Variants in GALNT14 observed in about 807,000 individuals in gnomAD.
GALNT14 encodes the protein UDP-GalNAc:polypeptide N-acetylgalactosaminyltransferase 14.
In GALNT14, 60 loss-of-function variants were observed where a neutral mutation model predicts 77.5. That is an observed-to-expected ratio of 0.77 (90% CI 0.63 to 0.96). GALNT14 has a LOEUF of 0.96. Ranked by LOEUF, GALNT14 falls within the 40% of genes least tolerant of loss-of-function variation. The pLI, the probability that GALNT14 is intolerant of heterozygous loss-of-function variation, is 0.00. For missense variants in GALNT14, 710 were observed against 731.0 expected, an observed-to-expected ratio of 0.97 and a Z score of 0.33; for synonymous variants, 280 against 281.7, an observed-to-expected ratio of 0.99 and a Z score of 0.06.
chr2:31,022,069 T>G (rs1671755596), intron 1 of GALNT14, among the ~76,000 whole-genome samples: 1 of 152,230 alleles, frequency 6.6e-6, no homozygotes, highest in Non-Finnish European at 1.5e-5. Flanking sequence ...GTCTTCCCTG[T>G]GGTTCTGAAA....
Position 31,120,168 on chromosome 2 carries a change from A to T in GALNT14, c.129+17790T>A, listed in dbSNP as rs893072972. Among the ~76,000 whole-genome samples, 18 of 151,646 alleles carry T rather than the reference A, an allele frequency of 1.2e-4. 5 individuals are homozygous for T. The highest frequency in any genetic ancestry group is 2.7e-4 in the Non-Finnish European group (18 of 67,906). ...GAGACTCCGTCTCAAAAAAAAAAAA[A>T]AAAAAAAAAAATAATGAGCTAGCTG... On this transcript the variant is annotated intron_variant, in intron 1 of 14. Transcript: ENST00000349752.
chr2:31,054,139 G>C (rs558276537), intron 1 of GALNT14, among the ~76,000 whole-genome samples: 37 of 152,366 alleles, frequency 2.4e-4, no homozygotes. Flanking sequence ...GACAGTAAAA[G>C]TAAACAGGCC....
intron 3 of GALNT14, among the ~76,000 whole-genome samples, chr2:30,960,448 A>G (rs1315965785): frequency 1.3e-5 from 2 of 152,164 alleles, no homozygotes; most frequent in East Asian, 3.8e-4. Context: ...GAACTGAGAG[A>G]TGATTAGTGA....
chr2:30,939,054 T>C (rs1666222843), intron 9 of GALNT14, among the ~76,000 whole-genome samples: 1 of 152,242 alleles, frequency 6.6e-6, no homozygotes, highest in Non-Finnish European at 1.5e-5. Flanking sequence ...CCATTCAGTC[T>C]CTGGCTTTTT....
chr2:30,902,181 T>C, the GALNT14 span, among the ~76,000 whole-genome samples: 1 of 151,982 alleles, frequency 6.6e-6, no homozygotes, highest in Non-Finnish European at 1.5e-5. Flanking sequence ...CACTATCCCA[T>C]CCAGTGATTG....
At chr2:30,989,583 A>ATATATATATATATATATATATAAATATAT (rs56703340) in intron 2 of GALNT14, among the ~76,000 whole-genome samples, 1 of 91,878 alleles carries the variant, frequency 1.1e-5, no homozygotes, top group African/African-American at 4.3e-5. Context: ...TATATATATA[A>ATATATATATATATATATATATAAATATAT]AAATATATAT....
rs552104246 is a variant in GALNT14, at chr2:30,943,369, C to T, written c.828-1065G>A. 2.1e-3 allele frequency among the ~76,000 whole-genome samples: 313 copies of T among 152,246 alleles called. 1 individual carries two copies. The highest frequency in any genetic ancestry group is 6.5e-3 in the Admixed American group (99 of 15,292). ...GGCAAGCCCTCAAAGACCTGGCCCC[C>T]GTTCAGTGGATCCAGAGGGTGAAGG... On this transcript the variant is annotated intron_variant, in intron 8 of 14. Coordinates refer to ENST00000349752, the MANE Select transcript of GALNT14 (RefSeq NM_024572.4).
At chr2:30,943,034 T>C (rs894135600) in intron 8 of GALNT14, among the ~76,000 whole-genome samples, 11 of 152,138 alleles carry the variant, frequency 7.2e-5, no homozygotes, top group Non-Finnish European at 1.0e-4. Context: ...AGGGAAGACA[T>C]GGCCATCTAC....
At chr2:31,014,589 T>A (rs949939663) in intron 1 of GALNT14, among the ~76,000 whole-genome samples, 1 of 152,172 alleles carries the variant, frequency 6.6e-6, no homozygotes, top group Admixed American at 6.5e-5. Flanking sequence ...GGTCCCCATA[T>A]GACTAGCCCT....
In GALNT14 at chr2:30,955,715, C is replaced by T. The variant is rs1335001890; in HGVS notation, c.557G>A (p.Gly186Asp). The T allele has an allele frequency of 6.2e-7, 1 of 1,614,128 alleles. No individual in the cohort carries two copies. Among genetic ancestry groups the T allele is most frequent in the Non-Finnish European group, 8.5e-7 (1 of 1,180,030 alleles). The change falls in exon 6 of 15, where the codon GGC becomes GAC. Residue 186 changes from glycine (G) to aspartate (D), a missense_variant. Gly to Asp is a moderately conservative substitution (Grantham distance 94, BLOSUM62 -1). Coordinates refer to ENST00000349752, the MANE Select transcript of GALNT14 (RefSeq NM_024572.4). ...AGTGGTGCCCTGGGCGATGTCAGCG[C>T]CCCGAATCCGGGACCGGACCAGACC... Reference protein sequence around the residue: ...RQGLVRSRIRGADIAQGTTLT... With the variant: ...RQGLVRSRIRDADIAQGTTLT...
At chr2:31,001,883 G>T (rs1009854511) in intron 1 of GALNT14, among the ~76,000 whole-genome samples, 1 of 151,952 alleles carries the variant, frequency 6.6e-6, no homozygotes, top group African/African-American at 2.4e-5. Context: ...AATTAGTAAA[G>T]AACAAAAGAC....
chr2:31,125,041 C>A, intron 1 of GALNT14: 2 of 726,328 alleles, frequency 2.8e-6, no homozygotes, highest in Non-Finnish European at 4.7e-6. Context: ...CTCCAGACAT[C>A]CTGGGGTGCG....
chr2:31,129,482 C>T (rs762230117), intron 1 of GALNT14: 9 of 985,334 alleles, frequency 9.1e-6, no homozygotes, highest in Non-Finnish European at 9.6e-6. Flanking sequence ...CAATTCAGCA[C>T]CCAGCTGGCA....
At chr2:30,972,189 T>C (rs1668396699) in intron 2 of GALNT14, among the ~76,000 whole-genome samples, 1 of 152,330 alleles carries the variant, frequency 6.6e-6, no homozygotes, top group East Asian at 1.9e-4. Flanking sequence ...ATTACTGAAA[T>C]GTCAGTGTCA....
At chr2:31,027,229 T>C (rs6543595) in intron 1 of GALNT14, among the ~76,000 whole-genome samples, 65,627 of 151,920 alleles carry the variant, frequency 0.43, 14,378 homozygotes, top group East Asian at 0.55. Flanking sequence ...GTCAGGAGTT[T>C]GTGACTAGCC....
chr2:31,000,500 T>G (rs1372500102), intron 1 of GALNT14, among the ~76,000 whole-genome samples: 1 of 148,542 alleles, frequency 6.7e-6, no homozygotes, highest in African/African-American at 2.5e-5. Context: ...GAGGACAGAT[T>G]GATTGATTGG....
At chr2:31,088,333 T>A (rs201051988) in intron 1 of GALNT14, among the ~76,000 whole-genome samples, 1 of 152,176 alleles carries the variant, frequency 6.6e-6, no homozygotes, top group Non-Finnish European at 1.5e-5. Context: ...AAGTACTCTG[T>A]CTCCCTCAGT....
chr2:30,933,216 C>A (rs765768052), intron 9 of GALNT14, among the ~76,000 whole-genome samples: 5 of 152,120 alleles, frequency 3.3e-5, no homozygotes, highest in Non-Finnish European at 5.9e-5. Context: ...TAATGTACCC[C>A]CTAACTGACC....
At chr2:30,957,654 G>A (rs370819242) in intron 4 of GALNT14, among the ~76,000 whole-genome samples, 19 of 152,184 alleles carry the variant, frequency 1.2e-4, no homozygotes, top group East Asian at 3.9e-4. Flanking sequence ...ACAGCAGACC[G>A]CAGTGTGGGG....
Sources: allele counts gnomAD v4.1 joint callset (sites outside exome capture counted in the v4.1 genomes callset), GRCh38; gene constraint gnomAD v4.1.1; transcripts MANE v1.5; gene names NCBI Gene and HGNC (gene_info 2026-07-23, HGNC 2026-07-21).